The following B4GALNT2 variants were observed in gnomAD, a reference collection of about 807,000 sequenced individuals.
The protein encoded by B4GALNT2 is beta-1,4-N-acetyl-galactosaminyltransferase 2 (SID blood group), also known as N-acetylneuraminylgalactosylglucosyl-glucoside beta-1,4-N- acetylgalactosaminyltransferase 2.
Under a neutral mutation model 51.1 loss-of-function variants are expected in B4GALNT2, and 42 were observed. The ratio of observed to expected loss-of-function variants is 0.82; its 90% CI spans 0.64 to 1.06. The LOEUF (loss-of-function observed/expected upper bound fraction) is 1.06. Among genes scored for constraint, B4GALNT2 ranks in the 50% least tolerant of loss-of-function variants. B4GALNT2 has a pLI of 0.00. For synonymous variants in B4GALNT2, 253 were observed against 251.7 expected, an observed-to-expected ratio of 1.01 and a Z score of -0.05; for missense variants, 602 against 633.6, an observed-to-expected ratio of 0.95 and a Z score of 0.54.
chr17:49,141,123 G>T, intron 1 of B4GALNT2, 124 bp from the exon 2 acceptor site: 2 of 842,724 alleles, frequency 2.4e-6, no homozygotes, highest in Non-Finnish European at 3.8e-6. Context: ...ATCAGAAATC[G>T]ATTTTAGTGA....
intron 1 of B4GALNT2, among the ~76,000 whole-genome samples, chr17:49,134,189 G>A (rs928033080): frequency 4.6e-5 from 7 of 152,166 alleles, no homozygotes; most frequent in Admixed American, 3.3e-4. Flanking sequence ...TCCACCTGTG[G>A]AATCATGCAT....
In B4GALNT2 at chr17:49,168,908, G is replaced by A; in HGVS notation, c.1315+8G>A. 2 of 1,609,964 alleles carry A rather than the reference G, an allele frequency of 1.2e-6. No homozygotes were observed. The highest frequency in any genetic ancestry group is 1.7e-6 in the Non-Finnish European group (2 of 1,178,560). ...AACGAGTGGCTCACTCAGGTGGGAA[G>A]GCTGAAAGAGTGAGGGAGGGAGCTG... On this transcript the variant is annotated splice_region_variant and intron_variant, in intron 10 of 10. Transcript: ENST00000393354.
chr17:49,137,434 C>T (rs1463900855), intron 1 of B4GALNT2, among the ~76,000 whole-genome samples: 2 of 152,134 alleles, frequency 1.3e-5, no homozygotes, highest in Non-Finnish European at 2.9e-5. Context: ...CATGCACTCA[C>T]TTGTTTTTCC....
intron 5 of B4GALNT2, 74 bp downstream of exon 5, chr17:49,156,677 C>CACAG: frequency 6.6e-7 from 1 of 1,518,482 alleles, no homozygotes; most frequent in Non-Finnish European, 9.1e-7. Flanking sequence ...TGCTCTCAGC[C>CACAG]TTTGACGGAG....
intron 7 of B4GALNT2, among the ~76,000 whole-genome samples, chr17:49,162,101 C>T (rs144648234): frequency 0.14 from 21,541 of 151,670 alleles, 1,966 homozygotes; most frequent in Non-Finnish European, 0.2. Context: ...CATTCTCCTG[C>T]GTCAGCCTCC....
intron 9 of B4GALNT2, among the ~76,000 whole-genome samples, chr17:49,167,903 C>A (rs1392239132): frequency 1.3e-5 from 2 of 152,180 alleles, no homozygotes; most frequent in East Asian, 3.8e-4. Flanking sequence ...AGCCACCACG[C>A]CCAGCCTAAC....
chr17:49,156,508 C>T (rs2042811846), intron 4 of B4GALNT2, 58 bp from the exon 5 acceptor site: 17 of 1,585,278 alleles, frequency 1.1e-5, no homozygotes, highest in Middle Eastern at 1.7e-4. Context: ...GCGAGAGCAG[C>T]GGGGAGCTGC....
intron 3 of B4GALNT2, among the ~76,000 whole-genome samples, chr17:49,142,428 G>C (rs1024677928): frequency 7.2e-5 from 11 of 152,158 alleles, no homozygotes; most frequent in African/African-American, 2.7e-4. Flanking sequence ...GGTGACACAT[G>C]TCTGTCATTC....
At chr17:49,153,375 A>G (rs143610450) in intron 4 of B4GALNT2, among the ~76,000 whole-genome samples, 1,700 of 152,326 alleles carry the variant, frequency 0.011, 33 homozygotes, top group African/African-American at 0.038. Context: ...AGATTGTGCC[A>G]CTGCACTTCA....
chr17:49,150,348 G>A (rs980946381), intron 3 of B4GALNT2, among the ~76,000 whole-genome samples: 2 of 152,056 alleles, frequency 1.3e-5, no homozygotes, highest in African/African-American at 4.8e-5. Context: ...GGAGGTGAGG[G>A]GCGCCTCTGC....
intron 3 of B4GALNT2, among the ~76,000 whole-genome samples, chr17:49,150,523 C>T (rs12451536): frequency 0.16 from 24,275 of 151,374 alleles, 2,224 homozygotes; most frequent in East Asian, 0.43. Flanking sequence ...GGATGGTTGC[C>T]GTGTCTGTGT....
At position 49,146,158 on chromosome 17, in the gene B4GALNT2, C is replaced by T. The variant is rs111890675; in HGVS notation, c.353+3986C>T. Among the ~76,000 whole-genome samples the T allele has an allele frequency of 1.9e-3, 284 of 152,218 alleles. 3 individuals carry two copies. Among genetic ancestry groups the T allele is most frequent in the African/African-American group, 6.2e-3 (257 of 41,520 alleles). On this transcript the variant is annotated intron_variant, in intron 3 of 10. Transcript: ENST00000393354. ...ATACATGGCCTTCTGGAGAACTTTG[C>T]CTCAGCCCTGCAAAGTATTGTCACC...
chr17:49,146,499 T>C (rs576793609), intron 3 of B4GALNT2, among the ~76,000 whole-genome samples: 46 of 152,314 alleles, frequency 3.0e-4, no homozygotes, highest in African/African-American at 1.1e-3. Flanking sequence ...TTTATGGAGA[T>C]GGGGTTTCCC....
chr17:49,132,618 A>C, upstream of B4GALNT2: 1 of 614,112 alleles, frequency 1.6e-6, no homozygotes. Flanking sequence ...TCCAGGGTAG[A>C]GATGGGGGCG....
chr17:49,128,257 G>T (rs576884837), upstream of B4GALNT2, among the ~76,000 whole-genome samples: 129 of 152,286 alleles, frequency 8.5e-4, no homozygotes, highest in Middle Eastern at 0.01. Context: ...TTCCAGAGAG[G>T]GAGAATGGCA....
chr17:49,132,713 T>G, upstream of B4GALNT2: 3 of 1,351,774 alleles, frequency 2.2e-6, no homozygotes, highest in Non-Finnish European at 2.9e-6. Flanking sequence ...TTTGCCCGGG[T>G]CGGTGCCAGG....
chr17:49,171,500 G>A lies in B4GALNT2; in HGVS notation c.*1772G>A. The A allele has an allele frequency of 5.1e-6, 2 of 389,318 alleles. No individual in the cohort carries two copies. Among genetic ancestry groups the A allele is most frequent in the South Asian group, 3.8e-5 (2 of 52,188 alleles). 24.1% of individuals were successfully genotyped at this position (389,318 alleles called of 1,614,324 possible). On this transcript the variant is annotated 3_prime_UTR_variant, in exon 11 of 11. Transcript: ENST00000393354. ...GCTTTTTTATTCTTTCCCAAATTTT[G>A]ATCTTATTAACAGACATTAATAGTT...
At chr17:49,169,451 C>G (rs530895533) in intron 10 of B4GALNT2, 72 bp from the exon 11 acceptor site, 11 of 1,442,438 alleles carry the variant, frequency 7.6e-6, no homozygotes, top group East Asian at 2.3e-5. Flanking sequence ...GACTCTCCCC[C>G]ACCAGACCTA....
At chr17:49,132,019 G>GT (rs1187524617), upstream of B4GALNT2, among the ~76,000 whole-genome samples, 1 of 152,092 alleles carries the variant, frequency 6.6e-6, no homozygotes, top group African/African-American at 2.4e-5. Flanking sequence ...GTGGGTGCCT[G>GT]TAGTCCTAGC....
Sources: gnomAD v4.1 joint callset for allele counts (sites outside exome capture counted in the v4.1 genomes callset) on GRCh38, gnomAD v4.1.1 for gene constraint, MANE v1.5 for transcripts, NCBI Gene and HGNC (gene_info 2026-07-23, HGNC 2026-07-21) for gene names.